Variants in ZNF875 observed in about 807,000 individuals in gnomAD.
ZNF875 encodes zinc finger protein 875.
ZNF875 carries 14 observed loss-of-function variants against 11.2 expected under a neutral mutation model. The ratio of observed to expected loss-of-function variants is 1.26; its 90% CI spans 0.83 to 1.96. The LOEUF is 1.96. Ranked by LOEUF, ZNF875 falls within the 30% of genes most tolerant of loss-of-function variation. The probability of loss-of-function intolerance (pLI) is 0.00; values close to 1 mark genes in which losing one functional copy is unlikely to be tolerated. For synonymous variants in ZNF875, 301 were observed against 281.1 expected (o/e 1.07, Z -0.71); for missense variants, 752 against 760.4 (o/e 0.99, Z 0.13).
chr19:37,317,292 T>G (rs2030293620), upstream of ZNF875: 1 of 142,314 alleles, frequency 7.0e-6, no homozygotes, highest in East Asian at 2.3e-4. Flanking sequence ...TTCACGCCAT[T>G]CTCCTGCCTC....
intron 2 of ZNF875, among the ~76,000 whole-genome samples, chr19:37,336,242 G>A (rs2034374868): frequency 1.3e-5 from 2 of 151,886 alleles, no homozygotes; most frequent in African/African-American, 4.8e-5. Flanking sequence ...AGTTTCAGAG[G>A]CTGGACTCTC....
intron 2 of ZNF875, among the ~76,000 whole-genome samples, chr19:37,335,871 G>T (rs935832472): frequency 6.6e-6 from 1 of 152,112 alleles, no homozygotes; most frequent in Non-Finnish European, 1.5e-5. Context: ...GGTCTTTTCG[G>T]CTCCAAACAT....
intron 4 of ZNF875, among the ~76,000 whole-genome samples, chr19:37,326,322 C>A (rs2032423532): frequency 1.3e-5 from 2 of 152,192 alleles, no homozygotes; most frequent in Admixed American, 1.3e-4. Flanking sequence ...GCTCTCTCTG[C>A]CTCCTTTATT....
chr19:37,347,154 G>T, intron 2 of ZNF875, 36 bp from the exon 3 acceptor site: 1 of 1,613,132 alleles, frequency 6.2e-7, no homozygotes, highest in Non-Finnish European at 8.5e-7. Flanking sequence ...GGAAAGACAG[G>T]CTCCTGGGTG....
chr19:37,346,817 C>T, intron 2 of ZNF875: 1 of 266,780 alleles, frequency 3.7e-6, no homozygotes, highest in Non-Finnish European at 7.3e-6. Context: ...AAAGTAGGGT[C>T]TAGAAATCTT....
At position 37,362,139 on chromosome 19, in the gene ZNF875, C is replaced by T; in HGVS notation, c.287C>T (p.Ser96Phe). Residue 96 changes from serine to phenylalanine, a missense_variant, in exon 5 of 5, where the codon TCC (serine) becomes TTC (phenylalanine). Transcript: ENST00000392153. ...ESKPEIQLSP[S>F]CPLIFSSQQA... ...AAGCCAGAAATTCAACTTAGTCCCT[C>T]CTGCCCTCTGATTTTCTCCAGTCAG... The T allele has an allele frequency of 6.2e-7, 1 of 1,613,996 alleles. No individual in the cohort carries two copies. Among genetic ancestry groups the T allele is most frequent in the Non-Finnish European group, 8.5e-7 (1 of 1,179,940 alleles).
rs1335828416 is a variant in ZNF875 at position 37,363,425 on chromosome 19, C to A, written c.1573C>A (p.Gln525Lys). ...FNDKSTLISH[Q>K]RTHSGEKPFM... ...TGATAAGTCCACCCTCATTTCACACCAGAGGACACATTCAGGGGAAAAGCC... is the reference window on the plus strand; with the variant it reads ...TGATAAGTCCACCCTCATTTCACACAAGAGGACACATTCAGGGGAAAAGCC... The change falls in exon 5 of 5, where the codon CAG becomes AAG. Residue 525 changes from glutamine to lysine, a missense_variant. By Grantham distance (53) the Gln-to-Lys change is moderately conservative (BLOSUM62 1). Transcript: ENST00000392153. The A allele has an allele frequency of 6.2e-7, 1 of 1,613,876 alleles. No individual in the cohort carries two copies. Among genetic ancestry groups the A allele is most frequent in the African/African-American group, 1.3e-5 (1 of 74,978 alleles).
chr19:37,353,620 A>G (rs1465839730), intron 4 of ZNF875, among the ~76,000 whole-genome samples: 4 of 152,176 alleles, frequency 2.6e-5, no homozygotes, highest in Non-Finnish European at 4.4e-5. Flanking sequence ...TGGATTTTCC[A>G]TTTTAATCTG....
chr19:37,345,597 AC>A (rs2036613272), intron 2 of ZNF875, among the ~76,000 whole-genome samples: 1 of 151,880 alleles, frequency 6.6e-6, no homozygotes, highest in African/African-American at 2.4e-5. Flanking sequence ...CGGCTGATAG[AC>A]CCCCAGCATG....
At chr19:37,333,824 T>C (rs1467674870), upstream of ZNF875, among the ~76,000 whole-genome samples, 3 of 152,226 alleles carry the variant, frequency 2.0e-5, no homozygotes, top group African/African-American at 7.2e-5. Context: ...TATTTTAATG[T>C]AATATCTTTA....
At position 37,335,158 on chromosome 19, in the gene ZNF875, C is replaced by A; in HGVS notation, c.-56-11C>A. Reference sequence around the variant, plus strand: ...CACCTAGGCCACTCTTATTTCTCTTCACATCCCCAGATCTGTCTTCTGAGA... The same window carrying A: ...CACCTAGGCCACTCTTATTTCTCTTAACATCCCCAGATCTGTCTTCTGAGA... On this transcript the variant is annotated splice_polypyrimidine_tract_variant and intron_variant, in intron 1 of 4. Transcript: ENST00000392153. 2 of 699,342 alleles carry A rather than the reference C, an allele frequency of 2.9e-6. No individual in the cohort carries two copies. Among genetic ancestry groups the A allele is most frequent in the South Asian group, 1.5e-5 (1 of 67,382 alleles). The allele number at this position is 699,342 out of a possible 1,614,324, so 43.3% of individuals were successfully genotyped here.
intron 2 of ZNF875, among the ~76,000 whole-genome samples, chr19:37,323,021 G>C (rs1319475305): frequency 6.6e-6 from 1 of 151,978 alleles, no homozygotes; most frequent in Non-Finnish European, 1.5e-5. Context: ...CCCGCCCTGA[G>C]TTTGTATTAT....
At chr19:37,319,369 A>ATATATATATATATATATATATATATATAT (rs56256521) in intron 1 of ZNF875, among the ~76,000 whole-genome samples, 13 of 139,952 alleles carry the variant, frequency 9.3e-5, no homozygotes, top group African/African-American at 1.1e-4. Flanking sequence ...ATATATATAT[A>ATATATATATATATATATATATATATATAT]ATAAAAATGG....
At chr19:37,331,482 A>G (rs954735111), upstream of ZNF875, among the ~76,000 whole-genome samples, 4 of 150,948 alleles carry the variant, frequency 2.6e-5, no homozygotes, top group African/African-American at 9.7e-5. Context: ...TACTAAGAAA[A>G]ATTCTTCTGC....
chr19:37,344,614 C>G, intron 2 of ZNF875: 1 of 1,275,338 alleles, frequency 7.8e-7, no homozygotes, highest in East Asian at 2.3e-5. Context: ...TTTCAGCTGG[C>G]AAGCAGATGA....
chr19:37,331,186 CAAAAA>C (rs71177440), upstream of ZNF875, among the ~76,000 whole-genome samples: 3 of 74,784 alleles, frequency 4.0e-5, no homozygotes, highest in Non-Finnish European at 6.9e-5. Context: ...GACTCTGTCT[CAAAAA>C]AAAAAAAAAA....
intron 2 of ZNF875, among the ~76,000 whole-genome samples, chr19:37,338,106 T>C (rs985692513): frequency 1.1e-4 from 17 of 152,114 alleles, no homozygotes; most frequent in Non-Finnish European, 2.1e-4. Context: ...CAAGGTAACA[T>C]TGAATATTTT....
At chr19:37,319,344 C>CATATATATATATATATATATATGTAT in intron 1 of ZNF875, among the ~76,000 whole-genome samples, 1 of 112,330 alleles carries the variant, frequency 8.9e-6, no homozygotes, top group African/African-American at 4.2e-5. Context: ...CTGCAGCCGG[C>CATATATATATATATATATATATGTAT]ATATATATAT....
At chr19:37,331,397 G>C (rs958343744), upstream of ZNF875, among the ~76,000 whole-genome samples, 2 of 151,792 alleles carry the variant, frequency 1.3e-5, no homozygotes, top group African/African-American at 2.4e-5. Flanking sequence ...CCCATGTGGG[G>C]AAAAGCAAGA....
Sources: allele counts gnomAD v4.1 joint callset (sites outside exome capture counted in the v4.1 genomes callset), GRCh38; gene constraint gnomAD v4.1.1; transcripts MANE v1.5; gene names NCBI Gene and HGNC (gene_info 2026-07-23, HGNC 2026-07-21).